Variants in STK32B observed in about 807,000 individuals in gnomAD.
The protein encoded by STK32B is serine/threonine-protein kinase 32B.
Under a neutral mutation model 52.6 loss-of-function variants are expected in STK32B, and 43 were observed. The ratio of observed to expected loss-of-function variants is 0.82; its 90% CI spans 0.64 to 1.05. The LOEUF (loss-of-function observed/expected upper bound fraction) is 1.05. Ranked by LOEUF, STK32B falls within the 50% of genes least tolerant of loss-of-function variation. The pLI, the probability that STK32B is intolerant of heterozygous loss-of-function variation, is 0.00. For missense variants in STK32B, 621 were observed against 534.6 expected (o/e 1.16, Z -1.59); for synonymous variants, 238 against 204.3 (o/e 1.17, Z -1.41).
At chr4:5,050,566 A>G (rs1277052985), upstream of STK32B, among the ~76,000 whole-genome samples, 1 of 152,146 alleles carries the variant, frequency 6.6e-6, no homozygotes, top group African/African-American at 2.4e-5. Flanking sequence ...AGAGTCACAA[A>G]GAACCCCTGC....
At chr4:5,324,949 C>A (rs940922447) in intron 3 of STK32B, among the ~76,000 whole-genome samples, 5 of 152,198 alleles carry the variant, frequency 3.3e-5, no homozygotes, top group African/African-American at 1.2e-4. Context: ...GGACCAAATG[C>A]ATGGGAGAAG....
Position 5,394,318 on chromosome 4 carries a change from C to T in STK32B, c.435-3889C>T, listed in dbSNP as rs1376474626. 6.6e-6 allele frequency among the ~76,000 whole-genome samples: 1 copy of T among 152,172 alleles called. No individual in the cohort carries two copies. Among genetic ancestry groups the T allele is most frequent in the Non-Finnish European group, 1.5e-5 (1 of 68,034 alleles). ...TCAGGAAACATCGTCACCGCCTTCC[C>T]ATCCATGCAATGCTCCTGATGCCCT... is the stretch of plus-strand genomic sequence containing the variant. On this transcript the variant is annotated intron_variant, in intron 4 of 11. Transcript: ENST00000282908. This position sits in a 1 kb window ranked among gnomAD's most constrained non-coding sequence, Gnocchi z 4.2.
At chr4:5,437,652 C>A (rs1167402019) in intron 6 of STK32B, among the ~76,000 whole-genome samples, 1 of 152,192 alleles carries the variant, frequency 6.6e-6, no homozygotes, top group Admixed American at 6.5e-5. Context: ...CGGCCCACTA[C>A]ATCTCCAAAT....
intron 3 of STK32B, among the ~76,000 whole-genome samples, chr4:5,194,400 T>C (rs1721479760): frequency 6.6e-6 from 1 of 152,202 alleles, no homozygotes; most frequent in Admixed American, 6.5e-5. Flanking sequence ...TGTCCTCTCA[T>C]TGGGCGGAGA....
At chr4:5,236,426 A>T (rs924926987) in intron 3 of STK32B, among the ~76,000 whole-genome samples, 1 of 152,194 alleles carries the variant, frequency 6.6e-6, no homozygotes, top group African/African-American at 2.4e-5. Context: ...CAAACATTGA[A>T]CACACTCATG....
At chr4:5,077,504 C>A (rs1204452888) in intron 1 of STK32B, among the ~76,000 whole-genome samples, 1 of 152,148 alleles carries the variant, frequency 6.6e-6, no homozygotes, top group Non-Finnish European at 1.5e-5. Flanking sequence ...CTGCAGCAAT[C>A]AGAATGGGTG....
chr4:5,128,177 A>T (rs555397433), intron 1 of STK32B, among the ~76,000 whole-genome samples: 1 of 152,336 alleles, frequency 6.6e-6, no homozygotes, highest in South Asian at 2.1e-4. Context: ...CATGGTCCTG[A>T]GGACACCTTC....
intron 1 of STK32B, among the ~76,000 whole-genome samples, chr4:5,132,124 G>A (rs1477974363): frequency 6.6e-6 from 1 of 152,140 alleles, no homozygotes; most frequent in Admixed American, 6.5e-5. Flanking sequence ...TTATGGCTGT[G>A]TAGTATTCCT....
At chr4:5,310,814 A>G (rs72616103) in intron 3 of STK32B, among the ~76,000 whole-genome samples, 19,467 of 152,204 alleles carry the variant, frequency 0.13, 2,690 homozygotes, top group African/African-American at 0.35. Context: ...AGATGAATGG[A>G]TACAGAAAAT....
At chr4:5,091,003 C>A (rs984481645) in intron 1 of STK32B, among the ~76,000 whole-genome samples, 2 of 152,108 alleles carry the variant, frequency 1.3e-5, no homozygotes, top group African/African-American at 2.4e-5. Context: ...AAGAAAAATT[C>A]AGGACCATAT....
At chr4:5,484,252 C>T (rs1718964090) in intron 11 of STK32B, among the ~76,000 whole-genome samples, 1 of 152,156 alleles carries the variant, frequency 6.6e-6, no homozygotes, top group African/African-American at 2.4e-5. Flanking sequence ...TAAGGACTTG[C>T]TCTATGAATC....
At chr4:5,297,704 C>T (rs1729295919) in intron 3 of STK32B, among the ~76,000 whole-genome samples, 1 of 150,222 alleles carries the variant, frequency 6.7e-6, no homozygotes, top group South Asian at 2.1e-4. Flanking sequence ...AGGTTCTTAG[C>T]TTCCTTGCAT....
At chr4:5,478,571 T>C (rs976067276) in intron 11 of STK32B, among the ~76,000 whole-genome samples, 49 of 152,328 alleles carry the variant, frequency 3.2e-4, no homozygotes, top group Non-Finnish European at 6.6e-4. Flanking sequence ...GCCAGTTATA[T>C]TGAGTTTTTA....
chr4:5,319,760 G>A (rs1731364192), intron 3 of STK32B, among the ~76,000 whole-genome samples: 1 of 152,130 alleles, frequency 6.6e-6, no homozygotes, highest in Admixed American at 6.6e-5. Context: ...GGTATGAAAT[G>A]TCTTCTCAGA....
At chr4:5,342,895 T>C (rs1387900731) in intron 4 of STK32B, among the ~76,000 whole-genome samples, 4 of 152,218 alleles carry the variant, frequency 2.6e-5, no homozygotes, top group East Asian at 1.9e-4. Flanking sequence ...AGTTCACATT[T>C]AATAAATCAA....
intron 11 of STK32B, among the ~76,000 whole-genome samples, chr4:5,475,692 C>T (rs57153938): frequency 0.047 from 7,000 of 147,946 alleles, 348 homozygotes; most frequent in African/African-American, 0.12. Context: ...AGCAATACTC[C>T]GTTCCAAAAA....
chr4:5,162,676 G>T (rs772440631), intron 2 of STK32B, among the ~76,000 whole-genome samples: 4 of 152,248 alleles, frequency 2.6e-5, no homozygotes, highest in Non-Finnish European at 5.9e-5. Context: ...TTCAGTAGCA[G>T]CTTGGGTGGC....
At chr4:5,159,013 G>A (rs113796280) in intron 2 of STK32B, among the ~76,000 whole-genome samples, 24 of 152,316 alleles carry the variant, frequency 1.6e-4, no homozygotes, top group African/African-American at 5.8e-4. Flanking sequence ...ACTCACCTCT[G>A]TCATCTCATC....
At chr4:5,185,775 C>T (rs1463369791) in intron 3 of STK32B, among the ~76,000 whole-genome samples, 8 of 152,208 alleles carry the variant, frequency 5.3e-5, no homozygotes, top group African/African-American at 1.9e-4. Context: ...GTGCCTACCA[C>T]GCCTCTGCAT....
Sources: allele counts gnomAD v4.1 joint callset (sites outside exome capture counted in the v4.1 genomes callset), GRCh38; gene constraint gnomAD v4.1.1; non-coding constraint Gnocchi (gnomAD v3.1); transcripts MANE v1.5; gene names NCBI Gene and HGNC (gene_info 2026-07-23, HGNC 2026-07-21).